MALRD1: variants seen among roughly 807,000 people sequenced by gnomAD.
The protein encoded by MALRD1 is MAM and LDL-receptor class A domain-containing protein 1.
MALRD1 carries 247 observed loss-of-function variants against 242.1 expected under a neutral mutation model. The ratio of observed to expected loss-of-function variants is 1.02; its 90% confidence interval spans 0.92 to 1.13. MALRD1 has a LOEUF of 1.13. Among genes scored for constraint, MALRD1 ranks in the 50% most tolerant of loss-of-function variants. The pLI is 0.00. For synonymous variants in MALRD1, 995 were observed against 866.6 expected, an observed-to-expected ratio of 1.15 and a Z score of -2.60; for missense variants, 2,989 against 2,533.1, an observed-to-expected ratio of 1.18 and a Z score of -3.86.
intron 29 of MALRD1, among the ~76,000 whole-genome samples, chr10:19,463,784 C>A (rs568348354): frequency 6.6e-6 from 1 of 152,180 alleles, no homozygotes; most frequent in Admixed American, 6.5e-5. Context: ...TCTTTAAGGA[C>A]TATTCACACT....
At chr10:19,125,303 T>A (rs1033688697) in intron 7 of MALRD1, among the ~76,000 whole-genome samples, 11 of 52,422 alleles carry the variant, frequency 2.1e-4, no homozygotes, top group South Asian at 6.8e-4. Context: ...CCTTCCTTCC[T>A]TCCTTCCTTC....
chr10:19,424,620 A>G (rs1005647116), intron 28 of MALRD1, among the ~76,000 whole-genome samples: 1 of 151,358 alleles, frequency 6.6e-6, no homozygotes, highest in Non-Finnish European at 1.5e-5. Flanking sequence ...TCAGTGTTAC[A>G]ATTAAAATAT....
intron 4 of MALRD1, among the ~76,000 whole-genome samples, chr10:19,096,376 A>G (rs1021114612): frequency 6.6e-6 from 1 of 152,322 alleles, no homozygotes; most frequent in African/African-American, 2.4e-5. Flanking sequence ...TAAAGCAGAT[A>G]CGTGTGCAAT....
At chr10:19,339,803 C>CA (rs1267298982) in intron 24 of MALRD1, among the ~76,000 whole-genome samples, 4 of 152,104 alleles carry the variant, frequency 2.6e-5, no homozygotes, top group African/African-American at 9.7e-5. Context: ...AGTTCATTCT[C>CA]ACGCTGCTAT....
intron 36 of MALRD1, among the ~76,000 whole-genome samples, chr10:19,620,006 CAATAATAATAATAAAT>C (rs1215211502): frequency 1.1e-4 from 15 of 140,396 alleles, no homozygotes; most frequent in African/African-American, 4.3e-4. Context: ...GTTCCTGTCT[CAATAATAATAATAAAT>C]AATAATAATA....
At chr10:19,186,743 T>C (rs1299034895) in intron 14 of MALRD1, among the ~76,000 whole-genome samples, 1 of 152,184 alleles carries the variant, frequency 6.6e-6, no homozygotes, top group East Asian at 1.9e-4. Flanking sequence ...TTCTTCACTC[T>C]TAAAATTGTG....
intron 28 of MALRD1, among the ~76,000 whole-genome samples, chr10:19,404,025 T>G (rs745998915): frequency 6.6e-6 from 1 of 152,110 alleles, no homozygotes; most frequent in Non-Finnish European, 1.5e-5. Flanking sequence ...CAATTTTGTT[T>G]CTTGTGAGGT....
chr10:19,252,338 T>A (rs766120461), intron 18 of MALRD1, among the ~76,000 whole-genome samples: 6 of 152,210 alleles, frequency 3.9e-5, no homozygotes, highest in Admixed American at 6.6e-5. Context: ...GTCTTCTCTA[T>A]CGTAAATGGT....
intron 28 of MALRD1, among the ~76,000 whole-genome samples, chr10:19,444,922 C>T (rs909578888): frequency 2.0e-5 from 3 of 152,170 alleles, no homozygotes; most frequent in Non-Finnish European, 4.4e-5. Context: ...GTTCCATTCT[C>T]CCCATCACTT....
rs537985260 is a variant in MALRD1 at position 19,545,721 on chromosome 10, C to T, written c.5478+14370C>T. 2.0e-4 allele frequency among the ~76,000 whole-genome samples: 30 copies of T among 152,256 alleles called. No individual in the cohort carries two copies. The South Asian group carries it at 6.2e-3, about 32-fold the overall frequency. On this transcript the variant is annotated intron_variant, in intron 32 of 39. Transcript: ENST00000454679. Reference sequence around the variant, plus strand: ...TTTCAGCTGTAATTTGCTTGGTTATCTCCTTCAAGGAAAATTATTAGACAG... The same window carrying T: ...TTTCAGCTGTAATTTGCTTGGTTATTTCCTTCAAGGAAAATTATTAGACAG...
At chr10:19,501,802 C>A (rs1837984595) in intron 31 of MALRD1, among the ~76,000 whole-genome samples, 1 of 151,926 alleles carries the variant, frequency 6.6e-6, no homozygotes, top group Non-Finnish European at 1.5e-5. Flanking sequence ...GAGGCTGAGG[C>A]AGGAGGATTG....
intron 2 of MALRD1, among the ~76,000 whole-genome samples, chr10:19,078,121 TA>T (rs1325937628): frequency 1.3e-4 from 19 of 151,710 alleles, no homozygotes; most frequent in Middle Eastern, 3.2e-3. Context: ...AAATTTTTTT[TA>T]TTTTTTTTGA....
chr10:19,548,165 A>G (rs10430561), intron 32 of MALRD1, among the ~76,000 whole-genome samples: 118,013 of 150,422 alleles, frequency 0.78, 46,948 homozygotes, highest in Non-Finnish European at 0.85. Context: ...ACCCCTGGCT[A>G]ATTTTGTATT....
intron 38 of MALRD1, among the ~76,000 whole-genome samples, chr10:19,699,799 C>A (rs558627306): frequency 6.6e-6 from 1 of 151,808 alleles, no homozygotes; most frequent in South Asian, 2.1e-4. Context: ...CACTTTTAAA[C>A]GACCAGATCT....
intron 36 of MALRD1, among the ~76,000 whole-genome samples, chr10:19,622,463 A>G (rs1028189886): frequency 6.6e-6 from 1 of 151,870 alleles, no homozygotes. Context: ...AACTTAAACA[A>G]GTGGAAAAAC....
rs74119736 is a variant in MALRD1, at chr10:19,702,620, C to T, written c.6314+10066C>T. 3.3e-3 allele frequency among the ~76,000 whole-genome samples: 502 copies of T among 152,290 alleles called. 6 individuals carry two copies. The highest frequency in any genetic ancestry group is 0.012 in the African/African-American group (491 of 41,548). On this transcript the variant is annotated intron_variant, in intron 38 of 39. Transcript: ENST00000454679. ...ATTGAAAGCATCACCAAAACCATTG[C>T]TTATATCCATTGATTACATCCACAT...
chr10:19,483,811 A>G (rs968325241), intron 29 of MALRD1, among the ~76,000 whole-genome samples: 17 of 152,298 alleles, frequency 1.1e-4, no homozygotes, highest in African/African-American at 4.1e-4. Flanking sequence ...TACTAAAAAA[A>G]AGATGCATGA....
At chr10:19,131,425 A>G (rs1389541454) in intron 8 of MALRD1, among the ~76,000 whole-genome samples, 1 of 152,132 alleles carries the variant, frequency 6.6e-6, no homozygotes. Context: ...TCAAGTGTGT[A>G]GCAATTATAG....
At chr10:19,110,509 AG>A in intron 5 of MALRD1, among the ~76,000 whole-genome samples, 1 of 152,366 alleles carries the variant, frequency 6.6e-6, no homozygotes, top group East Asian at 1.9e-4. Context: ...AAATAATTAA[AG>A]TGTCGTCCTC....
Sources: allele counts gnomAD v4.1 joint callset (sites outside exome capture counted in the v4.1 genomes callset), GRCh38; gene constraint gnomAD v4.1.1; transcripts MANE v1.5; gene names NCBI Gene and HGNC (gene_info 2026-07-23, HGNC 2026-07-21).